Variants in PLCH1 observed in about 807,000 individuals in gnomAD.
PLCH1 encodes the protein 1-phosphatidylinositol 4,5-bisphosphate phosphodiesterase eta-1.
Under a neutral mutation model 126.7 loss-of-function variants are expected in PLCH1, and 60 were observed. That is an observed-to-expected ratio of 0.47 (90% CI 0.38 to 0.59). PLCH1 has a LOEUF of 0.59. Among genes scored for constraint, PLCH1 ranks in the 20% least tolerant of loss-of-function variants. The probability of loss-of-function intolerance (pLI) is 0.00; values close to 1 mark genes in which losing one functional copy is unlikely to be tolerated. For missense variants in PLCH1, 1,723 were observed against 2,040.0 expected, an observed-to-expected ratio of 0.84 and a Z score of 2.99; for synonymous variants, 719 against 734.9, an observed-to-expected ratio of 0.98 and a Z score of 0.35.
intron 2 of PLCH1, among the ~76,000 whole-genome samples, chr3:155,689,796 A>G (rs1166374794): frequency 6.6e-6 from 1 of 152,122 alleles, no homozygotes; most frequent in African/African-American, 2.4e-5. Context: ...AATAGCCTCA[A>G]AAGGGCAAAT....
chr3:155,483,044 A>G lies in PLCH1; in HGVS notation c.2982T>C (p.Asp994=), dbSNP rs750192349. 8 of 1,612,474 alleles carry G rather than the reference A, an allele frequency of 5.0e-6. No individual in the cohort carries two copies. In the Admixed American group the frequency reaches 1.0e-4, roughly 20 times the overall value. ...IEGKENSLAE[D]KDGRRKGKAS... is the part of the protein sequence containing the mutation. ...CTTTCCCTTTTCTTCTGCCATCTTT[A>G]TCTTCTGCTGAAGGAGACAAACAAT... Residue 994 remains aspartate (D), a synonymous_variant, in exon 23 of 23, where the codon GAT becomes GAC. Coordinates refer to ENST00000460012, the MANE Select transcript of PLCH1 (RefSeq NM_014996.4).
chr3:155,494,053 C>T lies in PLCH1; in HGVS notation c.2182+88G>A, dbSNP rs150290793. 2,411 of 1,047,138 alleles carry T rather than the reference C, an allele frequency of 2.3e-3. 37 individuals are homozygous for T. The African/African-American group carries it at 0.034, about 15-fold the overall frequency. 64.9% of individuals were successfully genotyped at this position (1,047,138 alleles called of 1,614,324 possible). On this transcript the variant is annotated intron_variant, in intron 17 of 22. Coordinates refer to ENST00000460012, the MANE Select transcript of PLCH1 (RefSeq NM_014996.4). ...GAAAAACTCTGGGGTATCACACTTT[C>T]TAAACAGCTTCCTTAATAAAGGTTG...
At chr3:155,488,970 C>T (rs1027790369) in intron 19 of PLCH1, among the ~76,000 whole-genome samples, 164 bp from the exon 20 acceptor site, 1 of 152,156 alleles carries the variant, frequency 6.6e-6, no homozygotes, top group Non-Finnish European at 1.5e-5. Flanking sequence ...AATAAAGCCT[C>T]GAAATTTACC....
rs186790395 is a variant in PLCH1 at position 155,457,007 on chromosome 3, T to C, written c.2938+28349A>G. 203 of 152,460 alleles carry C rather than the reference T, an allele frequency of 1.3e-3. 1 individual carries two copies. Among genetic ancestry groups the C allele is most frequent in the African/African-American group, 4.8e-3 (198 of 41,590 alleles). The allele number at this position is 152,460 out of a possible 1,614,324, so 9.4% of individuals were successfully genotyped here. On this transcript the variant is annotated intron_variant, in intron 21 of 21. Coordinates refer to the PLCH1 transcript ENST00000494598. ...TTTAGACTTTGCACAGGGAAACACT[T>C]GGCATCTGATTTGGGAACAGGCGAG... is the stretch of plus-strand genomic sequence containing the variant.
chr3:155,619,904 G>T (rs564566095), intron 2 of PLCH1, among the ~76,000 whole-genome samples: 1 of 152,072 alleles, frequency 6.6e-6, no homozygotes, highest in Non-Finnish European at 1.5e-5. Context: ...TAAGGAAAAT[G>T]CCTGGGAGAA....
chr3:155,631,166 G>T (rs899524070), intron 2 of PLCH1, among the ~76,000 whole-genome samples: 2 of 151,988 alleles, frequency 1.3e-5, no homozygotes, highest in Non-Finnish European at 2.9e-5. Context: ...CAAAATTCTC[G>T]GTATTTTGGT....
chr3:155,455,421 C>G (rs544768750), intron 21 of PLCH1, among the ~76,000 whole-genome samples: 1 of 152,234 alleles, frequency 6.6e-6, no homozygotes, highest in South Asian at 2.1e-4. Context: ...TAAATTAGCA[C>G]CTGGGAGGAG....
chr3:155,702,936 G>A (rs1051974289), intron 2 of PLCH1, among the ~76,000 whole-genome samples: 18 of 152,106 alleles, frequency 1.2e-4, no homozygotes, highest in Non-Finnish European at 2.5e-4. Flanking sequence ...CCATTCCCAC[G>A]CCTCCTCTGC....
chr3:155,482,786 C>T lies in PLCH1; in HGVS notation c.3240G>A (p.Gln1080=). The change falls in exon 23 of 23, where the codon CAG becomes CAA. Residue 1080 remains glutamine (Q), a synonymous_variant. Transcript: ENST00000460012. ...PCPSKSLSPK[Q]HLAPDPVVNP... The stretch of plus-strand genomic sequence containing the variant: ...TAACTACAGGATCGGGAGCCAAATG[C>T]TGCTTTGGGGAGAGAGACTTGCTGG... 1 of 1,614,184 alleles carries T rather than the reference C, an allele frequency of 6.2e-7. No homozygotes were observed. Among genetic ancestry groups the T allele is most frequent in the African/African-American group, 1.3e-5 (1 of 75,054 alleles).
chr3:155,541,515 G>A (rs979418487), intron 10 of PLCH1, among the ~76,000 whole-genome samples: 6 of 152,110 alleles, frequency 3.9e-5, no homozygotes, highest in Non-Finnish European at 5.9e-5. Flanking sequence ...GGAGAACTGA[G>A]GAGTGGGAGA....
At chr3:155,545,685 C>A (rs1331004285) in intron 10 of PLCH1, among the ~76,000 whole-genome samples, 4 of 151,892 alleles carry the variant, frequency 2.6e-5, no homozygotes, top group African/African-American at 9.7e-5. Context: ...AAAAGCTTAT[C>A]CACCATGATC....
At chr3:155,461,546 G>T (rs778792328) in intron 21 of PLCH1, among the ~76,000 whole-genome samples, 1 of 152,180 alleles carries the variant, frequency 6.6e-6, no homozygotes, top group Non-Finnish European at 1.5e-5. Context: ...TGATTTGTTT[G>T]CCCAGACCTT....
chr3:155,678,984 C>G (rs1744301088), intron 2 of PLCH1, among the ~76,000 whole-genome samples: 1 of 152,170 alleles, frequency 6.6e-6, no homozygotes, highest in Admixed American at 6.5e-5. Flanking sequence ...ATCTTTCACA[C>G]CTGAGTTCTA....
chr3:155,724,738 T>C lies in PLCH1; in HGVS notation c.-41+20102A>G, dbSNP rs145807372. On this transcript the variant is annotated intron_variant, in intron 1 of 22. Transcript: ENST00000460012. ...AAGTGGAGCATTTAGGCCATTTACA[T>C]TCAATGTTAGTATTGAGATGTGAGG... Among the ~76,000 whole-genome samples, 90 of 152,158 alleles carry C rather than the reference T, an allele frequency of 5.9e-4. 1 individual carries two copies. Among genetic ancestry groups the C allele is most frequent in the African/African-American group, 2.1e-3 (86 of 41,500 alleles).
chr3:155,640,873 A>G (rs1739317244), intron 2 of PLCH1, among the ~76,000 whole-genome samples: 1 of 152,182 alleles, frequency 6.6e-6, no homozygotes, highest in Non-Finnish European at 1.5e-5. Context: ...GGTATCCAAC[A>G]TTTCTTCCTT....
intron 1 of PLCH1, among the ~76,000 whole-genome samples, chr3:155,710,322 G>C (rs920965859): frequency 7.9e-5 from 12 of 152,010 alleles, no homozygotes; most frequent in African/African-American, 2.9e-4. Context: ...AATGTATTTT[G>C]GACAAGAGTC....
chr3:155,587,409 G>C (rs573389193), intron 4 of PLCH1, among the ~76,000 whole-genome samples: 1 of 152,282 alleles, frequency 6.6e-6, no homozygotes, highest in Non-Finnish European at 1.5e-5. Flanking sequence ...CATAAAATGA[G>C]AGGAGAGAGA....
At chr3:155,711,549 G>T (rs1276607233) in intron 1 of PLCH1, among the ~76,000 whole-genome samples, 1 of 152,030 alleles carries the variant, frequency 6.6e-6, no homozygotes, top group Non-Finnish European at 1.5e-5. Context: ...TAGAATTAAA[G>T]CTCCCTTTAA....
At chr3:155,504,707 G>A (rs1718410576) in intron 12 of PLCH1, 81 bp from the exon 13 acceptor site, 2 of 916,430 alleles carry the variant, frequency 2.2e-6, no homozygotes, top group South Asian at 1.4e-5. Context: ...ATAGCAAGGG[G>A]GCCCTCTTTT....
Sources: allele counts gnomAD v4.1 joint callset (sites outside exome capture counted in the v4.1 genomes callset), GRCh38; gene constraint gnomAD v4.1.1; transcripts MANE v1.5; gene names NCBI Gene and HGNC (gene_info 2026-07-23, HGNC 2026-07-21).